The following LMO7 variants were observed in gnomAD, a reference collection of about 807,000 sequenced individuals.
LMO7 encodes LIM domain 7.
Under a neutral mutation model 206.5 loss-of-function variants are expected in LMO7, and 120 were observed. The ratio of observed to expected loss-of-function variants is 0.58; its 90% CI spans 0.50 to 0.68. The LOEUF (loss-of-function observed/expected upper bound fraction) is 0.68, where lower values mean the gene tolerates loss of function less well. Among genes scored for constraint, LMO7 ranks in the 30% least tolerant of loss-of-function variants. The pLI, the probability that LMO7 is intolerant of heterozygous loss-of-function variation, is 0.00. For synonymous variants in LMO7, 706 were observed against 681.5 expected, an observed-to-expected ratio of 1.04 and a Z score of -0.56; for missense variants, 1,959 against 1,957.9, an observed-to-expected ratio of 1.00 and a Z score of -0.01.
rs943074931 is a variant in LMO7 at position 75,777,173 on chromosome 13, C to T, written c.317+16135C>T. Among the ~76,000 whole-genome samples, 13 of 152,092 alleles carry T rather than the reference C, an allele frequency of 8.5e-5. 1 individual carries two copies. Among genetic ancestry groups the T allele is most frequent in the Admixed American group, 7.2e-4 (11 of 15,272 alleles). On this transcript the variant is annotated intron_variant, in intron 4 of 30. Coordinates refer to ENST00000377534, the MANE Select transcript of LMO7 (RefSeq NM_001306080.2). ...GGACACTGTTTTATTTCTTTTTTTT[C>T]TTCCTCCCCCAGTGTTCACTCATTT...
intron 14 of LMO7, among the ~76,000 whole-genome samples, chr13:75,821,923 GA>G (rs2057622110): frequency 6.6e-6 from 1 of 152,022 alleles, no homozygotes; most frequent in East Asian, 1.9e-4. Context: ...GTTTTAGGTT[GA>G]AAAATATGAA....
intron 12 of LMO7, among the ~76,000 whole-genome samples, chr13:75,818,998 C>T (rs190286385): frequency 6.6e-6 from 1 of 152,314 alleles, no homozygotes; most frequent in East Asian, 1.9e-4. Flanking sequence ...CCATCACAAT[C>T]GTGTTTCTGT....
intron 4 of LMO7, among the ~76,000 whole-genome samples, chr13:75,790,983 CT>C (rs33998419): frequency 1.3e-3 from 190 of 145,684 alleles, no homozygotes; most frequent in Non-Finnish European, 1.2e-3. Context: ...ATATCTACCC[CT>C]TTTTTTTTTT....
At chr13:75,849,500 C>CTTT (rs68011303) in intron 27 of LMO7, among the ~76,000 whole-genome samples, 5,268 of 136,414 alleles carry the variant, frequency 0.039, 115 homozygotes, top group Non-Finnish European at 0.055. Flanking sequence ...TTTTTTTTTT[C>CTTT]TTTTTTTTTT....
chr13:75,702,523 A>G (rs148990339), intron 1 of LMO7, among the ~76,000 whole-genome samples: 24 of 152,356 alleles, frequency 1.6e-4, no homozygotes, highest in African/African-American at 4.8e-4. Flanking sequence ...TAGTCCTAGT[A>G]TACTCCCCAA....
chr13:75,821,160 C>T lies in LMO7; in HGVS notation c.2208-17C>T, dbSNP rs1323070054. On this transcript the variant is annotated splice_polypyrimidine_tract_variant and intron_variant, in intron 13 of 30. Coordinates refer to ENST00000377534, the MANE Select transcript of LMO7 (RefSeq NM_001306080.2). ...AATGTGTGTCTTTGTGGTGATGGTG[C>T]ATTTCTCTCCGCTAAGGGAATCCCA... is the stretch of plus-strand genomic sequence containing the variant. 10 of 1,569,370 alleles carry T rather than the reference C, an allele frequency of 6.4e-6. No homozygotes were observed. Among genetic ancestry groups the T allele is most frequent in the African/African-American group, 1.4e-5 (1 of 73,082 alleles).
intron 4 of LMO7, among the ~76,000 whole-genome samples, chr13:75,770,025 A>G (rs2049418619): frequency 6.6e-6 from 1 of 152,066 alleles, no homozygotes. Flanking sequence ...CTCATGCTCA[A>G]TTTTGTGTAT....
At chr13:75,626,595 A>ATATATATATATATATATTTTTTTTTTTT in intron 2 of LMO7, among the ~76,000 whole-genome samples, 1 of 71,100 alleles carries the variant, frequency 1.4e-5, no homozygotes, top group Non-Finnish European at 3.6e-5. Context: ...ATATATATAA[A>ATATATATATATATATATTTTTTTTTTTT]TTTTTTTGAG....
chr13:75,765,670 G>A (rs2048770970), intron 4 of LMO7, among the ~76,000 whole-genome samples: 1 of 152,090 alleles, frequency 6.6e-6, no homozygotes, highest in African/African-American at 2.4e-5. Flanking sequence ...GCTCTTTAAT[G>A]ACAAAGTTTG....
chr13:75,722,730 C>T (rs1042829050), intron 2 of LMO7, among the ~76,000 whole-genome samples: 8 of 152,262 alleles, frequency 5.3e-5, no homozygotes, highest in South Asian at 2.1e-4. Context: ...TTTATAGCAG[C>T]GCAATTTGCA....
At chr13:75,727,239 G>A (rs754595685) in intron 3 of LMO7, 141 bp downstream of exon 3, 7 of 499,236 alleles carry the variant, frequency 1.4e-5, no homozygotes, top group Non-Finnish European at 2.5e-5. Flanking sequence ...GTTTGGTGAT[G>A]TCCTCCTTTT....
intron 1 of LMO7, among the ~76,000 whole-genome samples, chr13:75,677,074 C>T (rs977678108): frequency 2.6e-5 from 4 of 151,918 alleles, no homozygotes; most frequent in South Asian, 2.1e-4. Context: ...ATTTTTTCCC[C>T]TAGGATTTAT....
At chr13:75,848,839 T>G in intron 26 of LMO7, 1 of 416,324 alleles carries the variant, frequency 2.4e-6, no homozygotes, top group Non-Finnish European at 4.4e-6. Flanking sequence ...TACACACTGA[T>G]TTCCATAGTG....
chr13:75,701,960 T>G (rs559140033), intron 1 of LMO7, among the ~76,000 whole-genome samples: 2 of 152,236 alleles, frequency 1.3e-5, no homozygotes, highest in Non-Finnish European at 2.9e-5. Flanking sequence ...CTGTTTTATT[T>G]AGTTTTTCTT....
At chr13:75,852,247 TA>T (rs948131697) in intron 27 of LMO7, among the ~76,000 whole-genome samples, 6 of 152,142 alleles carry the variant, frequency 3.9e-5, no homozygotes, top group African/African-American at 1.4e-4. Flanking sequence ...AAAATAAAAA[TA>T]AACAAAGGTG....
chr13:75,835,753 T>C (rs1446269901), intron 18 of LMO7, among the ~76,000 whole-genome samples: 1 of 152,118 alleles, frequency 6.6e-6, no homozygotes, highest in Non-Finnish European at 1.5e-5. Context: ...CATGAAGCAT[T>C]TTTAGTTTTT....
At chr13:75,798,424 T>A (rs1436115646) in intron 6 of LMO7, among the ~76,000 whole-genome samples, 1 of 152,198 alleles carries the variant, frequency 6.6e-6, no homozygotes, top group East Asian at 1.9e-4. Context: ...TAGCCTTTGG[T>A]CCTTTTAATG....
chr13:75,755,915 G>A (rs549717890), intron 3 of LMO7, among the ~76,000 whole-genome samples: 2 of 152,298 alleles, frequency 1.3e-5, no homozygotes, highest in African/African-American at 4.8e-5. Context: ...TAAAATGTGA[G>A]AGGAGAAAGT....
At chr13:75,630,107 C>T (rs1463869226) in intron 2 of LMO7, among the ~76,000 whole-genome samples, 3 of 152,150 alleles carry the variant, frequency 2.0e-5, no homozygotes, top group African/African-American at 7.2e-5. Context: ...TTAGATTACT[C>T]ATATTACCTA....
Sources: allele counts gnomAD v4.1 joint callset (sites outside exome capture counted in the v4.1 genomes callset), GRCh38; gene constraint gnomAD v4.1.1; transcripts MANE v1.5; gene names NCBI Gene and HGNC (gene_info 2026-07-23, HGNC 2026-07-21).